The following ANKRD17 variants were observed in gnomAD, a reference collection of about 807,000 sequenced individuals.
ANKRD17 encodes the protein ankyrin repeat domain-containing protein 17.
A neutral mutation model predicts 229.7 loss-of-function variants in ANKRD17; 19 were observed. That is an observed-to-expected ratio of 0.08 (90% confidence interval 0.06 to 0.12). ANKRD17 has a LOEUF of 0.12. Ranked by LOEUF, ANKRD17 falls within the 10% of genes least tolerant of loss-of-function variation. ANKRD17 has a pLI of 1.00. For missense variants in ANKRD17, 2,176 were observed against 3,176.8 expected, an observed-to-expected ratio of 0.68 and a Z score of 7.57; for synonymous variants, 1,112 against 1,146.1, an observed-to-expected ratio of 0.97 and a Z score of 0.60.
intron 30 of ANKRD17, chr4:73,080,727 C>T (rs955525731): frequency 1.3e-5 from 2 of 152,210 alleles, no homozygotes; most frequent in Admixed American, 1.3e-4. Flanking sequence ...CTACCTTAAC[C>T]TCTGTGTTCA....
At chr4:73,200,800 C>T (rs1167874990) in intron 1 of ANKRD17, among the ~76,000 whole-genome samples, 13 of 151,966 alleles carry the variant, frequency 8.6e-5, no homozygotes, top group Non-Finnish European at 1.6e-4. Context: ...TTTCTCAATA[C>T]TGTGCTAGGC....
chr4:73,178,550 C>A (rs1206169859), intron 1 of ANKRD17, among the ~76,000 whole-genome samples: 1 of 151,838 alleles, frequency 6.6e-6, no homozygotes, highest in Non-Finnish European at 1.5e-5. Context: ...GTTTCCATGG[C>A]CTTCGGGTCC....
At chr4:73,175,314 A>G (rs1311557867) in intron 2 of ANKRD17, among the ~76,000 whole-genome samples, 3 of 152,164 alleles carry the variant, frequency 2.0e-5, no homozygotes, top group African/African-American at 7.2e-5. Flanking sequence ...CCCATTCACT[A>G]TTACAAGAAC....
intron 22 of ANKRD17, among the ~76,000 whole-genome samples, chr4:73,116,303 A>AAAT (rs879543864): frequency 4.5e-4 from 69 of 152,332 alleles, no homozygotes; most frequent in Admixed American, 1.1e-3. Flanking sequence ...AAAAGGGCAA[A>AAAT]AATAATAATT....
intron 2 of ANKRD17, among the ~76,000 whole-genome samples, chr4:73,163,745 T>C (rs1354151483): frequency 6.6e-6 from 1 of 152,172 alleles, no homozygotes; most frequent in African/African-American, 2.4e-5. Context: ...AAGCAACAAT[T>C]AGGTTTCATA....
chr4:73,151,119 T>C, intron 7 of ANKRD17, among the ~76,000 whole-genome samples: 1 of 152,072 alleles, frequency 6.6e-6, no homozygotes, highest in Non-Finnish European at 1.5e-5. Flanking sequence ...AATCCAATCC[T>C]CCCACCTTGG....
intron 15 of ANKRD17, among the ~76,000 whole-genome samples, chr4:73,136,544 G>C (rs924109338): frequency 1.6e-4 from 25 of 151,928 alleles, no homozygotes; most frequent in African/African-American, 6.0e-4. Context: ...AAACGAAGGA[G>C]AAAACAAAAC....
intron 18 of ANKRD17, 45 bp downstream of exon 18, chr4:73,124,868 G>A (rs201585595): frequency 1.3e-6 from 2 of 1,594,100 alleles, no homozygotes; most frequent in South Asian, 1.1e-5. Context: ...GTACACATTT[G>A]CTAAACAGAG....
chr4:73,097,854 CA>C (rs11390517), intron 26 of ANKRD17, among the ~76,000 whole-genome samples: 15 of 145,516 alleles, frequency 1.0e-4, no homozygotes, highest in East Asian at 8.0e-4. Flanking sequence ...GTTTAACAAC[CA>C]AAAAAAAAAG....
chr4:73,203,817 T>C (rs1306502590), intron 1 of ANKRD17, among the ~76,000 whole-genome samples: 2 of 125,932 alleles, frequency 1.6e-5, no homozygotes, highest in Non-Finnish European at 3.6e-5. Context: ...CAAAATTGGA[T>C]AGAAAAATAT....
At chr4:73,079,464 C>T (rs1320975521) in intron 30 of ANKRD17, among the ~76,000 whole-genome samples, 1 of 152,086 alleles carries the variant, frequency 6.6e-6, no homozygotes, top group Non-Finnish European at 1.5e-5. Context: ...TCGATCATAA[C>T]TCACTGCAGC....
intron 16 of ANKRD17, among the ~76,000 whole-genome samples, chr4:73,125,955 G>GA (rs1048972905): frequency 4.9e-4 from 74 of 151,732 alleles, no homozygotes; most frequent in Non-Finnish European, 9.7e-4. Context: ...AACTAAAAAA[G>GA]AAAAAAAACC....
Position 73,090,783 on chromosome 4 carries a change from G to T in ANKRD17, c.6845C>A (p.Ser2282Tyr). 6.2e-7 allele frequency: 1 copy of T among 1,614,186 alleles called. No individual in the cohort carries two copies. Among genetic ancestry groups the T allele is most frequent in the Non-Finnish European group, 8.5e-7 (1 of 1,180,040 alleles). Residue 2282 changes from serine to tyrosine, a missense_variant, in exon 29 of 34, where the codon TCT (serine) becomes TAT (tyrosine). Transcript: ENST00000358602. ...SVVSSQSTPE[S>Y]MLSGKSSYLP... ...ATATGAGGATTTTCCTGATAGCATAGATTCTGGTGTTGACTGAGATGAAAC... is the reference window on the plus strand; with the variant it reads ...ATATGAGGATTTTCCTGATAGCATATATTCTGGTGTTGACTGAGATGAAAC...
At chr4:73,132,144 C>G (rs542548935) in intron 16 of ANKRD17, among the ~76,000 whole-genome samples, 1 of 148,208 alleles carries the variant, frequency 6.7e-6, no homozygotes, top group Admixed American at 6.8e-5. Context: ...TTCACTCTGT[C>G]GCCCAGGCTG....
At chr4:73,094,022 T>C (rs1442153078) in intron 28 of ANKRD17, 57 bp downstream of exon 28, 5 of 1,533,870 alleles carry the variant, frequency 3.3e-6, no homozygotes. Flanking sequence ...TGGCTGTATT[T>C]CATTAAGCTA....
At chr4:73,178,664 A>G (rs145481835) in intron 1 of ANKRD17, among the ~76,000 whole-genome samples, 38 of 152,244 alleles carry the variant, frequency 2.5e-4, no homozygotes, top group African/African-American at 9.1e-4. Context: ...TTTTGACCTC[A>G]TGGACACCTT....
chr4:73,168,746 G>A (rs1013394630), intron 2 of ANKRD17, among the ~76,000 whole-genome samples: 5 of 152,168 alleles, frequency 3.3e-5, no homozygotes, highest in Admixed American at 6.5e-5. Flanking sequence ...CCTGTTTTAC[G>A]TGTGTTTCTG....
intron 1 of ANKRD17, among the ~76,000 whole-genome samples, chr4:73,256,018 G>T (rs1421800674): frequency 6.6e-6 from 1 of 152,120 alleles, no homozygotes; most frequent in Non-Finnish European, 1.5e-5. Flanking sequence ...GAGCTACCAC[G>T]CCCGGCCAAT....
At chr4:73,172,477 T>G (rs1734170160) in intron 2 of ANKRD17, among the ~76,000 whole-genome samples, 1 of 152,162 alleles carries the variant, frequency 6.6e-6, no homozygotes, top group South Asian at 2.1e-4. Flanking sequence ...CATCTGAAGG[T>G]ACCAAACTGA....
Sources: allele counts gnomAD v4.1 joint callset (sites outside exome capture counted in the v4.1 genomes callset), GRCh38; gene constraint gnomAD v4.1.1; transcripts MANE v1.5; gene names NCBI Gene and HGNC (gene_info 2026-07-23, HGNC 2026-07-21).